DYNAP: variants seen among roughly 807,000 people sequenced by gnomAD.
DYNAP encodes the protein dynactin-associated protein.
A neutral mutation model predicts 8.5 loss-of-function variants in DYNAP; 7 were observed. The observed-to-expected ratio is 0.82, with a 90% CI of 0.47 to 1.54. DYNAP has a LOEUF of 1.54. Ranked by LOEUF, DYNAP falls within the 40% of genes most tolerant of loss-of-function variation. DYNAP has a pLI of 0.01. For missense variants in DYNAP, 256 were observed against 224.3 expected, an observed-to-expected ratio of 1.14 and a Z score of -0.90; for synonymous variants, 77 against 77.9, an observed-to-expected ratio of 0.99 and a Z score of 0.06.
chr18:54,584,823 T>C (rs1338635956), upstream of DYNAP, among the ~76,000 whole-genome samples: 1 of 152,186 alleles, frequency 6.6e-6, no homozygotes, highest in Non-Finnish European at 1.5e-5. Context: ...TTTTGTGTAG[T>C]TGCAATATTT....
the DYNAP span, among the ~76,000 whole-genome samples, chr18:54,577,334 C>G: frequency 6.6e-6 from 1 of 152,070 alleles, no homozygotes; most frequent in African/African-American, 2.4e-5. Flanking sequence ...CACCTATAAT[C>G]TCAACAGTTT....
chr18:54,580,434 C>T, the DYNAP span, among the ~76,000 whole-genome samples: 2 of 152,190 alleles, frequency 1.3e-5, no homozygotes, highest in African/African-American at 4.8e-5. Flanking sequence ...GCTGCAACTA[C>T]CACTTCAACT....
the DYNAP span, among the ~76,000 whole-genome samples, chr18:54,576,182 G>A: frequency 1.3e-5 from 2 of 152,110 alleles, no homozygotes. Context: ...GATTATAAAT[G>A]TTACAAATAA....
At chr18:54,596,553 G>C (rs1161579031) in intron 2 of DYNAP, among the ~76,000 whole-genome samples, 1 of 152,164 alleles carries the variant, frequency 6.6e-6, no homozygotes, top group Non-Finnish European at 1.5e-5. Flanking sequence ...TGATGAGAAT[G>C]ACTGATCTAG....
chr18:54,582,397 CTGTTA>C, the DYNAP span, among the ~76,000 whole-genome samples: 498 of 152,196 alleles, frequency 3.3e-3, 2 homozygotes, highest in African/African-American at 0.012. Flanking sequence ...TTTGTAATTT[CTGTTA>C]TAAGTCAGAA....
chr18:54,586,867 A>G (rs1910899310), upstream of DYNAP, among the ~76,000 whole-genome samples: 1 of 152,248 alleles, frequency 6.6e-6, no homozygotes. Flanking sequence ...CTATAATGTC[A>G]GTAATACTAT....
the DYNAP span, among the ~76,000 whole-genome samples, chr18:54,578,386 G>T: frequency 6.6e-6 from 1 of 152,122 alleles, no homozygotes; most frequent in African/African-American, 2.4e-5. Flanking sequence ...GTTAAGGTGG[G>T]TCTTCTGTTA....
upstream of DYNAP, chr18:54,591,058 G>A (rs968354467): frequency 1.4e-6 from 1 of 696,032 alleles, no homozygotes; most frequent in Non-Finnish European, 2.2e-6. Context: ...TTCAGAGGAA[G>A]TACTGGTTTT....
the DYNAP span, among the ~76,000 whole-genome samples, chr18:54,582,307 A>G: frequency 6.6e-6 from 1 of 152,238 alleles, no homozygotes; most frequent in Admixed American, 6.5e-5. Context: ...AAATGATCCA[A>G]GTCTTTTCCA....
intron 1 of DYNAP, among the ~76,000 whole-genome samples, 154 bp downstream of exon 1, chr18:54,591,493 C>T (rs1056551976): frequency 2.0e-5 from 3 of 152,006 alleles, no homozygotes; most frequent in South Asian, 4.2e-4. Flanking sequence ...AATTTTTGTG[C>T]TGTAACTTTC....
At chr18:54,589,755 T>C (rs1910999538), upstream of DYNAP, among the ~76,000 whole-genome samples, 1 of 152,128 alleles carries the variant, frequency 6.6e-6, no homozygotes, top group Admixed American at 6.5e-5. Flanking sequence ...CCAAATGAAA[T>C]GTTTTTGCAG....
At chr18:54,577,070 AT>A in the DYNAP span, among the ~76,000 whole-genome samples, 4 of 152,172 alleles carry the variant, frequency 2.6e-5, no homozygotes, top group East Asian at 7.7e-4. Context: ...AAATGCCTTA[AT>A]TTTAAAAAGA....
rs1209771917 is a variant in DYNAP, at chr18:54,598,154, G to A, written c.*9G>A. The A allele has an allele frequency of 1.9e-6, 3 of 1,591,640 alleles. No individual in the cohort carries two copies. The highest frequency in any genetic ancestry group is 2.3e-5 in the South Asian group (2 of 87,342). ...CTACCGATCATTTATAATTTGAACA[G>A]CCATAGCCATCACTTCAACTGAAAC... On this transcript the variant is annotated 3_prime_UTR_variant, in exon 3 of 3. Coordinates refer to ENST00000648945, the MANE Select transcript of DYNAP (RefSeq NM_173629.3).
chr18:54,580,128 A>G, the DYNAP span, among the ~76,000 whole-genome samples: 2 of 152,216 alleles, frequency 1.3e-5, no homozygotes, highest in African/African-American at 4.8e-5. Context: ...ATTATTGACT[A>G]TTTTTGACCA....
At chr18:54,592,274 T>TA (rs1911108837) in intron 1 of DYNAP, among the ~76,000 whole-genome samples, 1 of 150,300 alleles carries the variant, frequency 6.7e-6, no homozygotes, top group Admixed American at 6.6e-5. Context: ...GATACTCAGA[T>TA]GGAAAAAAAA....
At chr18:54,594,909 T>C (rs200420942) in intron 1 of DYNAP, 30 bp from the exon 2 acceptor site, 1 of 1,596,028 alleles carries the variant, frequency 6.3e-7, no homozygotes, top group Admixed American at 1.7e-5. Context: ...TTTCCTAGGC[T>C]TCCTACTCAC....
upstream of DYNAP, chr18:54,591,101 C>T: frequency 1.0e-5 from 12 of 1,177,840 alleles, no homozygotes; most frequent in South Asian, 2.3e-5. Flanking sequence ...ATTTCATTTC[C>T]TCCTCTAAGG....
upstream of DYNAP, among the ~76,000 whole-genome samples, chr18:54,585,519 C>T (rs1426322016): frequency 6.6e-6 from 1 of 152,124 alleles, no homozygotes; most frequent in East Asian, 1.9e-4. Flanking sequence ...ACAATTTCTC[C>T]TTCCTTCTCT....
chr18:54,591,372 C>T, intron 1 of DYNAP, 33 bp downstream of exon 1: 19 of 1,574,800 alleles, frequency 1.2e-5, no homozygotes, highest in Non-Finnish European at 1.5e-5. Flanking sequence ...GATAGTTTGC[C>T]TATATTACAG....
Sources: allele counts gnomAD v4.1 joint callset (sites outside exome capture counted in the v4.1 genomes callset), GRCh38; gene constraint gnomAD v4.1.1; transcripts MANE v1.5; gene names NCBI Gene and HGNC (gene_info 2026-07-23, HGNC 2026-07-21).